The following TRPV1 variants were observed in gnomAD, a reference collection of about 807,000 sequenced individuals.
The protein encoded by TRPV1 is transient receptor potential cation channel subfamily V member 1.
TRPV1 carries 82 observed loss-of-function variants against 82.3 expected under a neutral mutation model. That is an observed-to-expected ratio of 1.00 (90% CI 0.83 to 1.20). The LOEUF (loss-of-function observed/expected upper bound fraction) is 1.20, where lower values mean the gene tolerates loss of function less well. TRPV1 is among the 50% of genes most tolerant of loss of function. The pLI is 0.00. For synonymous variants in TRPV1, 515 were observed against 467.7 expected, an observed-to-expected ratio of 1.10 and a Z score of -1.30; for missense variants, 1,067 against 1,096.8, an observed-to-expected ratio of 0.97 and a Z score of 0.38.
chr17:3,582,206 A>AAAAAAAAAAAAAAAAAAAAAAAC (rs2075029872), intron 10 of TRPV1, among the ~76,000 whole-genome samples: 1 of 146,016 alleles, frequency 6.8e-6, no homozygotes, highest in Non-Finnish European at 1.5e-5. Context: ...AAAAAAAAAA[A>AAAAAAAAAAAAAAAAAAAAAAAC]AAAAAAAATC....
chr17:3,605,751 T>C (rs1329565729), intron 2 of TRPV1, among the ~76,000 whole-genome samples: 1 of 152,070 alleles, frequency 6.6e-6, no homozygotes, highest in Non-Finnish European at 1.5e-5. Flanking sequence ...ACTGTTGGTA[T>C]TTTTCCATTG....
chr17:3,605,538 A>G lies in TRPV1; in HGVS notation c.-34+2889T>C, dbSNP rs114343073. On this transcript the variant is annotated intron_variant, in intron 2 of 16. Coordinates refer to ENST00000572705, the MANE Select transcript of TRPV1 (RefSeq NM_080704.4). ...AAAAAAAAAGATTCAATGAATTCAA[A>G]CAAGTAGAGTTTAGATCAGATCCCA... Among the ~76,000 whole-genome samples, 665 of 152,184 alleles carry G rather than the reference A, an allele frequency of 4.4e-3. 11 individuals are homozygous for G. Among genetic ancestry groups the G allele is most frequent in the African/African-American group, 0.015 (629 of 41,534 alleles).
chr17:3,590,137 G>A (rs1443076231), intron 6 of TRPV1, 32 bp from the exon 7 acceptor site: 3 of 1,589,546 alleles, frequency 1.9e-6, no homozygotes, highest in Admixed American at 1.7e-5. Context: ...GTGGGCCTCA[G>A]GAGTGAGATC....
At chr17:3,567,935 T>G (rs1200374013) in intron 16 of TRPV1, among the ~76,000 whole-genome samples, 1 of 152,178 alleles carries the variant, frequency 6.6e-6, no homozygotes, top group Non-Finnish European at 1.5e-5. Context: ...CCGCCAACAC[T>G]GTCATGCAAA....
chr17:3,569,792 A>G (rs1044946309), intron 16 of TRPV1, among the ~76,000 whole-genome samples: 2 of 152,126 alleles, frequency 1.3e-5, no homozygotes, highest in African/African-American at 2.4e-5. Context: ...AGAGTATTTA[A>G]AGGGTGTTAA....
intron 2 of TRPV1, among the ~76,000 whole-genome samples, chr17:3,600,413 C>G (rs905550206): frequency 6.6e-6 from 1 of 152,136 alleles, no homozygotes; most frequent in Non-Finnish European, 1.5e-5. Flanking sequence ...CATAGTGGAA[C>G]CTTGTCTCTA....
chr17:3,603,405 A>C (rs2075277814), intron 2 of TRPV1, among the ~76,000 whole-genome samples: 1 of 152,318 alleles, frequency 6.6e-6, no homozygotes, highest in South Asian at 2.1e-4. Flanking sequence ...ATGGAGGGTC[A>C]GCAGGTGGGT....
At chr17:3,585,129 G>T in intron 9 of TRPV1, 1 of 151,738 alleles carries the variant, frequency 6.6e-6, no homozygotes, top group Non-Finnish European at 1.5e-5. Flanking sequence ...GCCCTGTCCC[G>T]AGCCCAAATT....
Position 3,583,337 on chromosome 17 carries a change from C to T in TRPV1, c.1476+1G>A, listed in dbSNP as rs201415487. The T allele has an allele frequency of 4.4e-6, 7 of 1,605,848 alleles. 1 individual carries two copies. Among genetic ancestry groups the T allele is most frequent in the Non-Finnish European group, 5.1e-6 (6 of 1,175,960 alleles). ...CTCACAATGTGGGAAGGAACGCTTA[C>T]CCCTCGGAAAAAGAAGTAGACTCCT... On this transcript the variant is annotated splice_donor_variant, in intron 10 of 16. Transcript: ENST00000572705. LOFTEE classifies it high-confidence loss of function.
chr17:3,604,603 CAA>C (rs61400031), intron 2 of TRPV1, among the ~76,000 whole-genome samples: 11 of 116,678 alleles, frequency 9.4e-5, no homozygotes, highest in African/African-American at 1.1e-4. Context: ...CAAAAAGTCT[CAA>C]AAAAAAAAAA....
chr17:3,606,443 G>A (rs1187274646), intron 2 of TRPV1, among the ~76,000 whole-genome samples: 1 of 152,182 alleles, frequency 6.6e-6, no homozygotes, highest in Admixed American at 6.6e-5. Context: ...CCTCTGCCCA[G>A]GAGTGACAGG....
chr17:3,579,626 C>T (rs1400294997), intron 11 of TRPV1, among the ~76,000 whole-genome samples: 1 of 152,188 alleles, frequency 6.6e-6, no homozygotes, highest in African/African-American at 2.4e-5. Flanking sequence ...CAGGTGCGTG[C>T]CACCATGCCT....
chr17:3,588,049 A>C, intron 8 of TRPV1, 139 bp downstream of exon 8: 4 of 906,608 alleles, frequency 4.4e-6, no homozygotes, highest in Non-Finnish European at 6.5e-6. Flanking sequence ...TGAGTGGGGA[A>C]CGTGAGGCTG....
At chr17:3,572,844 G>A (rs1390428248) in intron 14 of TRPV1, among the ~76,000 whole-genome samples, 1 of 152,110 alleles carries the variant, frequency 6.6e-6, no homozygotes, top group East Asian at 1.9e-4. Flanking sequence ...TTAGCTGGGT[G>A]TGGTGGTGGG....
chr17:3,577,475 T>TG, intron 12 of TRPV1, 123 bp downstream of exon 12: 1 of 1,271,746 alleles, frequency 7.9e-7, no homozygotes, highest in Non-Finnish European at 1.1e-6. Context: ...GAAAATAGGC[T>TG]GGGGGGTAAA....
At chr17:3,571,974 T>C (rs1040178313) in intron 15 of TRPV1, 148 bp downstream of exon 15, 29 of 1,061,222 alleles carry the variant, frequency 2.7e-5, no homozygotes, top group Non-Finnish European at 3.9e-5. Context: ...ACAGCTGAGC[T>C]CAGGACGGCC....
In TRPV1 at chr17:3,571,564, G is replaced by A. The variant is rs926910289; in HGVS notation, c.2307C>T (p.Gly769=). 12 of 1,611,754 alleles carry A rather than the reference G, an allele frequency of 7.4e-6. No homozygotes were observed. The highest frequency in any genetic ancestry group is 6.7e-5 in the African/African-American group (5 of 74,896). The change falls in exon 16 of 17, where the codon GGC becomes GGT. Residue 769 remains glycine, a synonymous_variant. Coordinates refer to ENST00000572705, the MANE Select transcript of TRPV1 (RefSeq NM_080704.4). ...IINEDPGNCE[G]VKRTLSFSLR... is the part of the protein sequence containing the mutation. ...GGGAGAAGCTCAGGGTGCGCTTGAC[G>A]CCCTCACAGTTGCCCGGGTCTTCGT...
chr17:3,581,760 C>G (rs1288104759), intron 10 of TRPV1, among the ~76,000 whole-genome samples: 3 of 79,792 alleles, frequency 3.8e-5, no homozygotes, highest in Admixed American at 1.5e-4. Flanking sequence ...TGGCACGCAC[C>G]TGTAGTCCCA....
rs1436773709 is a variant in TRPV1, at chr17:3,568,687, G to C, written c.2348-1700C>G. 3.9e-5 allele frequency among the ~76,000 whole-genome samples: 6 copies of C among 152,266 alleles called. No individual in the cohort carries two copies. The Middle Eastern group carries it at 0.01, about 259-fold the overall frequency. On this transcript the variant is annotated intron_variant, in intron 16 of 16. Transcript: ENST00000572705. ...TTTTTCAGAGATAGGACATCAGGCA[G>C]TGAAAAACGGCAGTCCCTCAAATAA...
Sources: allele counts gnomAD v4.1 joint callset (sites outside exome capture counted in the v4.1 genomes callset), GRCh38; gene constraint gnomAD v4.1.1; transcripts MANE v1.5; gene names NCBI Gene and HGNC (gene_info 2026-07-23, HGNC 2026-07-21).